The following PCDHGA1 variants were observed in gnomAD, a reference collection of about 807,000 sequenced individuals.
PCDHGA1 encodes the protein protocadherin gamma subfamily A, 1, also known as protocadherin gamma-A1.
Under a neutral mutation model 58.0 loss-of-function variants are expected in PCDHGA1, and 32 were observed. That is an observed-to-expected ratio of 0.55 (90% CI 0.42 to 0.74). The LOEUF is 0.74. Ranked by LOEUF, PCDHGA1 falls within the 30% of genes least tolerant of loss-of-function variation. PCDHGA1 has a pLI of 0.00. For missense variants in PCDHGA1, 1,205 were observed against 1,182.3 expected, an observed-to-expected ratio of 1.02 and a Z score of -0.28; for synonymous variants, 498 against 501.1, an observed-to-expected ratio of 0.99 and a Z score of 0.08.
intron 1 of PCDHGA1, chr5:141,376,411 C>CTTAGTT: frequency 1.9e-6 from 3 of 1,614,182 alleles, no homozygotes; most frequent in Non-Finnish European, 2.5e-6. Context: ...CCAACTATGC[C>CTTAGTT]GACACGCTTA....
intron 1 of PCDHGA1, among the ~76,000 whole-genome samples, chr5:141,400,980 C>T (rs977355527): frequency 6.6e-6 from 1 of 152,102 alleles, no homozygotes; most frequent in African/African-American, 2.4e-5. Context: ...TCTTATGTTC[C>T]TCATATATGC....
chr5:141,419,192 G>A (rs772847766), intron 1 of PCDHGA1: 65 of 1,613,816 alleles, frequency 4.0e-5, no homozygotes, highest in Middle Eastern at 1.6e-4. Context: ...CATTACTGAC[G>A]TCAATGACAA....
rs772255343 is a variant in PCDHGA1, at chr5:141,432,272, G to C, written c.2422-62535G>C. On this transcript the variant is annotated intron_variant, in intron 1 of 3. Coordinates refer to ENST00000517417, the MANE Select transcript of PCDHGA1 (RefSeq NM_018912.3). This position sits in a 1 kb window ranked among gnomAD's most constrained non-coding sequence, Gnocchi z 6.0. ...CCAAGGGGCAAGCCTATCGTCCTAC[G>C]TGTCCATCAACTCCGACACTGGGGT... The C allele has an allele frequency of 3.1e-6, 5 of 1,614,210 alleles. No individual in the cohort carries two copies. Among genetic ancestry groups the C allele is most frequent in the Non-Finnish European group, 4.2e-6 (5 of 1,180,042 alleles).
At position 141,371,994 on chromosome 5, in the gene PCDHGA1, G is replaced by T. The variant is rs769252405; in HGVS notation, c.2421+38889G>T. The T allele has an allele frequency of 1.2e-6, 2 of 1,613,246 alleles. No individual in the cohort carries two copies. Among genetic ancestry groups the T allele is most frequent in the Non-Finnish European group, 1.7e-6 (2 of 1,179,762 alleles). Reference sequence around the variant, plus strand: ...GCGTGCCTTCGAGCTCACTCTGCAGGCCCGCGACCAGGGCTCGCCTACGCT... The same window carrying T: ...GCGTGCCTTCGAGCTCACTCTGCAGTCCCGCGACCAGGGCTCGCCTACGCT... On this transcript the variant is annotated intron_variant, in intron 1 of 3. Coordinates refer to ENST00000517417, the MANE Select transcript of PCDHGA1 (RefSeq NM_018912.3).
At chr5:141,398,740 C>G in intron 1 of PCDHGA1, 2 of 1,613,864 alleles carry the variant, frequency 1.2e-6, no homozygotes, top group Non-Finnish European at 1.7e-6. Context: ...CCGGGAACAA[C>G]AGAGTTACCA....
chr5:141,413,588 A>G, intron 1 of PCDHGA1: 1 of 1,613,922 alleles, frequency 6.2e-7, no homozygotes, highest in Non-Finnish European at 8.5e-7. Context: ...CCAAAATTCC[A>G]AGCAGAAAAT....
intron 1 of PCDHGA1, chr5:141,423,830 G>A (rs527344048): frequency 5.5e-6 from 7 of 1,273,204 alleles, no homozygotes; most frequent in African/African-American, 3.1e-5. Flanking sequence ...CCTTTCATGA[G>A]ATTACGATAA....
At chr5:141,347,654 G>A (rs1757996271) in intron 1 of PCDHGA1, among the ~76,000 whole-genome samples, 1 of 152,050 alleles carries the variant, frequency 6.6e-6, no homozygotes. Flanking sequence ...GGGCATGGTG[G>A]TGGGCGCCTG....
At chr5:141,358,572 T>C (rs534832026) in intron 1 of PCDHGA1, among the ~76,000 whole-genome samples, 6 of 152,362 alleles carry the variant, frequency 3.9e-5, no homozygotes, top group South Asian at 4.1e-4. Context: ...GAAGTGACTA[T>C]GTGTGATTCC....
At chr5:141,408,990 AAGTGAC>A (rs769374488) in intron 1 of PCDHGA1, 2 of 1,613,984 alleles carry the variant, frequency 1.2e-6, no homozygotes, top group Non-Finnish European at 1.7e-6. Flanking sequence ...CCTGTGTTGC[AAGTGAC>A]AGCCACTGAC....
Position 141,394,174 on chromosome 5 carries a change from A to G in PCDHGA1, c.2421+61069A>G, listed in dbSNP as rs774402638. On this transcript the variant is annotated intron_variant, in intron 1 of 3. Coordinates refer to ENST00000517417, the MANE Select transcript of PCDHGA1 (RefSeq NM_018912.3). ...AACGACAACCCTCCTACTTTCCCTC[A>G]TGCCTCCTACTCAGCGTATATCCTA... 3 of 1,613,706 alleles carry G rather than the reference A, an allele frequency of 1.9e-6. No individual in the cohort carries two copies. In the East Asian group the frequency reaches 6.7e-5, roughly 36 times the overall value.
chr5:141,422,907 G>C (rs1330364637), intron 1 of PCDHGA1: 4 of 1,614,078 alleles, frequency 2.5e-6, no homozygotes, highest in Non-Finnish European at 3.4e-6. Flanking sequence ...ACGACAATGC[G>C]CCCGAGATCC....
Position 141,385,179 on chromosome 5 carries a change from C to T in PCDHGA1, c.2421+52074C>T, listed in dbSNP as rs1270655942. The T allele has an allele frequency of 7.4e-6, 12 of 1,614,194 alleles. No homozygotes were observed. In the South Asian group the frequency reaches 1.2e-4, roughly 16 times the overall value. On this transcript the variant is annotated intron_variant, in intron 1 of 3. Transcript: ENST00000517417. ...CCTATTCCCATGAGGTCTCCCTCAC[C>T]GCGGACTCTCGGAAGAGTCACCTGA...
At chr5:141,336,412 A>G (rs1177511402) in intron 1 of PCDHGA1, among the ~76,000 whole-genome samples, 1 of 152,158 alleles carries the variant, frequency 6.6e-6, no homozygotes, top group East Asian at 1.9e-4. Context: ...AGCAAAATAT[A>G]CCATAGTAGC....
chr5:141,438,619 TATATATATATATATATACACAC>T (rs1408639052), intron 1 of PCDHGA1, among the ~76,000 whole-genome samples: 61 of 39,666 alleles, frequency 1.5e-3, no homozygotes, highest in African/African-American at 9.2e-3. Context: ...TATATATATA[TATATATATATATATATACACAC>T]ACACACACAC....
At chr5:141,410,419 T>TC (rs769125626) in intron 1 of PCDHGA1, 49 of 1,613,886 alleles carry the variant, frequency 3.0e-5, no homozygotes, top group Non-Finnish European at 3.6e-5. Context: ...GACCTGTAGT[T>TC]CCCCCCAACT....
At chr5:141,482,089 CAA>C (rs36035257) in intron 1 of PCDHGA1, among the ~76,000 whole-genome samples, 9,071 of 134,384 alleles carry the variant, frequency 0.068, 318 homozygotes, top group South Asian at 0.13. Context: ...CACTCCATCT[CAA>C]AAAAAAAAAA....
chr5:141,485,344 C>G lies in PCDHGA1; in HGVS notation c.2422-9463C>G. On this transcript the variant is annotated intron_variant, in intron 1 of 3. Coordinates refer to ENST00000517417, the MANE Select transcript of PCDHGA1 (RefSeq NM_018912.3). This position sits in a 1 kb window ranked among gnomAD's most constrained non-coding sequence, Gnocchi z 5.7. ...CTCAAGATTTCCTGCTGGATACGGA[C>G]AGTCTGTCAGCTCGCAGGCTGCAGG... 6.2e-7 allele frequency: 1 copy of G among 1,614,116 alleles called. No individual in the cohort carries two copies. The highest frequency in any genetic ancestry group is 8.5e-7 in the Non-Finnish European group (1 of 1,180,004).
At chr5:141,393,029 G>A in intron 1 of PCDHGA1, 1 of 1,613,754 alleles carries the variant, frequency 6.2e-7, no homozygotes, top group Non-Finnish European at 8.5e-7. Context: ...GAGGTAGGAC[G>A]CAGCTCTTTG....
Sources: gnomAD v4.1 joint callset for allele counts (sites outside exome capture counted in the v4.1 genomes callset) on GRCh38, gnomAD v4.1.1 for gene constraint, Gnocchi (gnomAD v3.1) non-coding constraint, MANE v1.5 for transcripts, NCBI Gene and HGNC (gene_info 2026-07-23, HGNC 2026-07-21) for gene names.